The following GUCY1B1 variants were observed in gnomAD, a reference collection of about 807,000 sequenced individuals.
The protein encoded by GUCY1B1 is guanylate cyclase 1 soluble subunit beta 1.
A neutral mutation model predicts 71.0 loss-of-function variants in GUCY1B1; 43 were observed. The ratio of observed to expected loss-of-function variants is 0.61; its 90% CI spans 0.47 to 0.78. GUCY1B1 has a LOEUF of 0.78. GUCY1B1 is among the 30% of genes least tolerant of loss of function. GUCY1B1 has a pLI of 0.00. For synonymous variants in GUCY1B1, 266 were observed against 259.7 expected, an observed-to-expected ratio of 1.02 and a Z score of -0.23; for missense variants, 535 against 754.1, an observed-to-expected ratio of 0.71 and a Z score of 3.40.
intron 4 of GUCY1B1, among the ~76,000 whole-genome samples, chr4:155,778,964 T>C (rs967918771): frequency 2.6e-5 from 4 of 151,026 alleles, no homozygotes; most frequent in Admixed American, 6.6e-5. Flanking sequence ...GTGGTTTTAT[T>C]AATTCCTTTT....
At chr4:155,781,759 T>C (rs751708372) in intron 4 of GUCY1B1, among the ~76,000 whole-genome samples, 1 of 152,020 alleles carries the variant, frequency 6.6e-6, no homozygotes, top group African/African-American at 2.4e-5. Context: ...CAGTTTAGAA[T>C]TGATTTTTTC....
chr4:155,804,504 C>T, intron 11 of GUCY1B1, 89 bp from the exon 12 acceptor site: 2 of 991,038 alleles, frequency 2.0e-6, no homozygotes, highest in Non-Finnish European at 3.1e-6. Flanking sequence ...CCTTCTGCAC[C>T]TGTATGCCAG....
intron 2 of GUCY1B1, among the ~76,000 whole-genome samples, chr4:155,762,046 ACT>A (rs1364472433): frequency 3.3e-5 from 5 of 151,944 alleles, no homozygotes; most frequent in Admixed American, 6.6e-5. Context: ...ACATGGTTGA[ACT>A]CTCTGCACTG....
intron 3 of GUCY1B1, among the ~76,000 whole-genome samples, chr4:155,775,272 T>C (rs963328307): frequency 4.6e-5 from 7 of 152,270 alleles, no homozygotes; most frequent in Admixed American, 3.3e-4. Context: ...CTTTAGAGAA[T>C]AGAAAAGAGT....
intron 4 of GUCY1B1, among the ~76,000 whole-genome samples, chr4:155,789,366 G>A (rs907328888): frequency 3.9e-5 from 6 of 152,210 alleles, no homozygotes; most frequent in South Asian, 2.1e-4. Flanking sequence ...ATCACAACAC[G>A]TAGAAACAGC....
At chr4:155,784,878 G>T (rs1237061191) in intron 4 of GUCY1B1, among the ~76,000 whole-genome samples, 1 of 152,058 alleles carries the variant, frequency 6.6e-6, no homozygotes, top group Non-Finnish European at 1.5e-5. Context: ...ATTACAAAAA[G>T]AAAATGTGCA....
At chr4:155,805,380 T>G (rs2111186439) in intron 13 of GUCY1B1, among the ~76,000 whole-genome samples, 151 bp downstream of exon 13, 1 of 152,308 alleles carries the variant, frequency 6.6e-6, no homozygotes, top group South Asian at 2.1e-4. Context: ...AATTGAACAT[T>G]AATGAGCCAA....
intron 11 of GUCY1B1, 64 bp from the exon 12 acceptor site, chr4:155,804,529 T>TA (rs113362223): frequency 0.14 from 141,219 of 995,930 alleles, 793 homozygotes; most frequent in Non-Finnish European, 0.16. Context: ...TAAAGTAAAA[T>TA]AAAAAAAAAA....
Position 155,759,074 on chromosome 4 carries a change from T to C in GUCY1B1, c.-67T>C. 1 of 1,542,304 alleles carries C rather than the reference T, an allele frequency of 6.5e-7. No homozygotes were observed. Among genetic ancestry groups the C allele is most frequent in the South Asian group, 1.2e-5 (1 of 84,732 alleles). ...CGGTTGCGCTGTAGCCGCTGCCGCC[T>C]CTGCCTGGGTCCCTTCGGCCGTACC... On this transcript the variant is annotated 5_prime_UTR_variant, in exon 1 of 14. Coordinates refer to ENST00000264424, the MANE Select transcript of GUCY1B1 (RefSeq NM_000857.5).
At chr4:155,794,271 G>T (rs1170085001) in intron 6 of GUCY1B1, among the ~76,000 whole-genome samples, 185 bp downstream of exon 6, 2 of 151,970 alleles carry the variant, frequency 1.3e-5, no homozygotes, top group African/African-American at 2.4e-5. Context: ...CTTTCCCTAG[G>T]ACAACTATTT....
At chr4:155,794,207 G>A in intron 6 of GUCY1B1, 121 bp downstream of exon 6, 1 of 581,246 alleles carries the variant, frequency 1.7e-6, no homozygotes, top group Non-Finnish European at 3.0e-6. Context: ...GCAGTTTATT[G>A]TAAGTTACAC....
At chr4:155,787,944 C>A (rs1309747454) in intron 4 of GUCY1B1, among the ~76,000 whole-genome samples, 1 of 152,134 alleles carries the variant, frequency 6.6e-6, no homozygotes, top group Non-Finnish European at 1.5e-5. Flanking sequence ...TAGGTATGTT[C>A]TTTTATGCCC....
At chr4:155,769,932 CA>C (rs1737584516) in intron 2 of GUCY1B1, among the ~76,000 whole-genome samples, 1 of 151,712 alleles carries the variant, frequency 6.6e-6, no homozygotes, top group African/African-American at 2.4e-5. Context: ...AATTGGAGCT[CA>C]AAAAATAATT....
rs1182601033 is a variant in GUCY1B1, at chr4:155,759,083, G to A, written c.-58G>A. ...TGTAGCCGCTGCCGCCTCTGCCTGGGTCCCTTCGGCCGTACCTCTGCGTGG... is the reference window on the plus strand; with the variant it reads ...TGTAGCCGCTGCCGCCTCTGCCTGGATCCCTTCGGCCGTACCTCTGCGTGG... On this transcript the variant is annotated 5_prime_UTR_variant, in exon 1 of 14. Transcript: ENST00000264424. The A allele has an allele frequency of 1.3e-6, 2 of 1,564,236 alleles. No homozygotes were observed. Among genetic ancestry groups the A allele is most frequent in the Non-Finnish European group, 1.7e-6 (2 of 1,151,692 alleles).
Position 155,807,053 on chromosome 4 carries a change from T to C in GUCY1B1, c.*644T>C, listed in dbSNP as rs893982092. 3 of 152,204 alleles carry C rather than the reference T, an allele frequency of 2.0e-5. No individual in the cohort carries two copies. Among genetic ancestry groups the C allele is most frequent in the Non-Finnish European group, 4.4e-5 (3 of 68,024 alleles). 9.4% of individuals were successfully genotyped at this position (152,204 alleles called of 1,614,324 possible). A position where few individuals can be genotyped will look rare whatever the true frequency, so the allele number is the denominator to read the frequency against. ...AATACACGTTTCTGTTATTAAAGTA[T>C]TTGATTACTAATTCAAATCATATGG... On this transcript the variant is annotated 3_prime_UTR_variant, in exon 14 of 14. Transcript: ENST00000264424.
Position 155,802,543 on chromosome 4 carries a change from A to C in GUCY1B1, c.1377A>C (p.Thr459=). Reference sequence around the variant, plus strand: ...ACGACCTCTACACCAGATTTGACACACTGACTGATTCCCGGAAAAACCCAT... The same window carrying C: ...ACGACCTCTACACCAGATTTGACACCCTGACTGATTCCCGGAAAAACCCAT... The part of the protein sequence containing the change: ...LLNDLYTRFD[T]LTDSRKNPFV... Residue 459 remains threonine, a synonymous_variant, in exon 10 of 14, where the codon ACA becomes ACC. Coordinates refer to ENST00000264424, the MANE Select transcript of GUCY1B1 (RefSeq NM_000857.5). This position sits in a 1 kb window ranked among gnomAD's most constrained non-coding sequence, Gnocchi z 4.3. 6.2e-7 allele frequency: 1 copy of C among 1,611,016 alleles called. No individual in the cohort carries two copies. Among genetic ancestry groups the C allele is most frequent in the Non-Finnish European group, 8.5e-7 (1 of 1,178,446 alleles).
intron 3 of GUCY1B1, among the ~76,000 whole-genome samples, chr4:155,776,248 CTAAA>C (rs889996209): frequency 2.6e-5 from 4 of 151,824 alleles, no homozygotes; most frequent in African/African-American, 9.7e-5. Context: ...GTAATTTTTC[CTAAA>C]TAAATTATTA....
rs563122319 is a variant in GUCY1B1 at position 155,805,109 on chromosome 4, T to C, written c.1716T>C (p.Leu572=). 3.7e-6 allele frequency: 6 copies of C among 1,611,808 alleles called. No individual in the cohort carries two copies. In the African/African-American group the frequency reaches 8.0e-5, roughly 22 times the overall value. The change falls in exon 13 of 14, where the codon CTT becomes CTC. Residue 572 remains leucine (L), a synonymous_variant. Transcript: ENST00000264424. The part of the protein sequence containing the change: ...INVSEYTYRC[L]MSPENSDPQF... ...CCCTTCCCTTGTCTTTTAGATGTCT[T>C]ATGTCTCCAGAAAATTCAGATCCAC... is the stretch of plus-strand genomic sequence containing the variant.
Position 155,798,402 on chromosome 4 carries a change from T to C in GUCY1B1, c.978-1475T>C, listed in dbSNP as rs139721298. Among the ~76,000 whole-genome samples, 64 of 152,320 alleles carry C rather than the reference T, an allele frequency of 4.2e-4. 1 individual carries two copies. The highest frequency in any genetic ancestry group is 3.5e-3 in the Admixed American group (54 of 15,294). On this transcript the variant is annotated intron_variant, in intron 8 of 13. Coordinates refer to ENST00000264424, the MANE Select transcript of GUCY1B1 (RefSeq NM_000857.5). ...CATTTTTGAACGTACAATCATGTTT[T>C]TTCTCTGCTCATGGGCAGGTCTCGT...
Sources: gnomAD v4.1 joint callset for allele counts (sites outside exome capture counted in the v4.1 genomes callset) on GRCh38, gnomAD v4.1.1 for gene constraint, Gnocchi (gnomAD v3.1) non-coding constraint, MANE v1.5 for transcripts, NCBI Gene and HGNC (gene_info 2026-07-23, HGNC 2026-07-21) for gene names.